The following CNTNAP2 variants were observed in gnomAD, a reference collection of about 807,000 sequenced individuals.
The protein encoded by CNTNAP2 is contactin associated protein 2, also known as contactin-associated protein-like 2.
Under a neutral mutation model 155.2 loss-of-function variants are expected in CNTNAP2, and 98 were observed. The observed-to-expected ratio is 0.63, with a 90% CI of 0.54 to 0.75. The LOEUF is 0.75. Ranked by LOEUF, CNTNAP2 falls within the 30% of genes least tolerant of loss-of-function variation. The pLI is 0.00. For missense variants in CNTNAP2, 1,727 were observed against 1,688.1 expected, an observed-to-expected ratio of 1.02 and a Z score of -0.40; for synonymous variants, 651 against 631.2, an observed-to-expected ratio of 1.03 and a Z score of -0.47.
intron 21 of CNTNAP2, among the ~76,000 whole-genome samples, chr7:148,307,922 G>A (rs1269444184): frequency 6.6e-6 from 1 of 152,102 alleles, no homozygotes; most frequent in Non-Finnish European, 1.5e-5. Flanking sequence ...GCAGTGAGCT[G>A]AGATCACACC....
intron 11 of CNTNAP2, among the ~76,000 whole-genome samples, chr7:147,540,516 G>T (rs1799620538): frequency 1.3e-5 from 2 of 152,128 alleles, no homozygotes; most frequent in Non-Finnish European, 2.9e-5. Flanking sequence ...GATACAAGAA[G>T]AGCAATTAGA....
chr7:146,738,277 T>A lies in CNTNAP2; in HGVS notation c.98-35994T>A, dbSNP rs574953522. 1.5e-4 allele frequency among the ~76,000 whole-genome samples: 23 copies of A among 152,170 alleles called. 1 individual carries two copies. In the South Asian group the frequency reaches 4.4e-3, roughly 29 times the overall value. ...CTGATAATAGTGATGTTCAACATTTTTTTTCATATACCTGTTGGCTATTTC... is the reference window on the plus strand; with the variant it reads ...CTGATAATAGTGATGTTCAACATTTATTTTCATATACCTGTTGGCTATTTC... On this transcript the variant is annotated intron_variant, in intron 1 of 23. Transcript: ENST00000361727.
chr7:146,392,796 G>T (rs1457452084), intron 1 of CNTNAP2, among the ~76,000 whole-genome samples: 6 of 149,278 alleles, frequency 4.0e-5, no homozygotes, highest in African/African-American at 5.0e-5. Flanking sequence ...TGAGATGTGG[G>T]AAAGACTAAT....
At chr7:147,152,869 C>T (rs1801853444) in intron 8 of CNTNAP2, among the ~76,000 whole-genome samples, 1 of 151,774 alleles carries the variant, frequency 6.6e-6, no homozygotes, top group South Asian at 2.1e-4. Context: ...AGAGAACAGC[C>T]CAGGATTACA....
intron 2 of CNTNAP2, among the ~76,000 whole-genome samples, chr7:146,790,773 G>A (rs1410920863): frequency 3.9e-5 from 6 of 151,944 alleles, no homozygotes; most frequent in Non-Finnish European, 5.9e-5. Context: ...GTTTCACCGT[G>A]TTAGCCAGGA....
chr7:146,958,937 G>A (rs1050808098), intron 3 of CNTNAP2, among the ~76,000 whole-genome samples: 3 of 151,760 alleles, frequency 2.0e-5, no homozygotes, highest in African/African-American at 7.3e-5. Context: ...TAAGATTGTC[G>A]TTTCTATCAT....
At position 147,331,812 on chromosome 7, in the gene CNTNAP2, C is replaced by T. The variant is rs527493066; in HGVS notation, c.1498+31522C>T. 5.9e-5 allele frequency among the ~76,000 whole-genome samples: 9 copies of T among 152,332 alleles called. No homozygotes were observed. In the East Asian group the frequency reaches 1.7e-3, roughly 29 times the overall value. ...TGTTCACTTCTTGCCCCTTGTTCAT[C>T]TCATTGCCCATGGAACTAACCAATG... On this transcript the variant is annotated intron_variant, in intron 9 of 23. Transcript: ENST00000361727.
chr7:147,398,036 C>A (rs889487599), intron 10 of CNTNAP2, among the ~76,000 whole-genome samples: 1 of 151,988 alleles, frequency 6.6e-6, no homozygotes, highest in East Asian at 1.9e-4. Flanking sequence ...CCTTTAGTCA[C>A]CTAAAATGTT....
At position 148,331,008 on chromosome 7, in the gene CNTNAP2, A is replaced by G. The variant is rs1270578436; in HGVS notation, c.3476-52641A>G. ...TGGAATGAACGCATGGAATGAATGG[A>G]TGGAATGGACAGATGGATGGAGTGG... On this transcript the variant is annotated intron_variant, in intron 21 of 23. Transcript: ENST00000361727. Among the ~76,000 whole-genome samples the G allele has an allele frequency of 1.4e-5, 2 of 147,426 alleles. 1 individual carries two copies. The highest frequency in any genetic ancestry group is 5.1e-5 in the African/African-American group (2 of 39,180).
chr7:147,351,175 A>G (rs17170437), intron 9 of CNTNAP2, among the ~76,000 whole-genome samples: 3,009 of 151,886 alleles, frequency 0.02, 102 homozygotes, highest in African/African-American at 0.069. Flanking sequence ...TTAGGTTTCA[A>G]AATGTTTCTA....
chr7:146,817,779 C>G (rs767042674), intron 2 of CNTNAP2, among the ~76,000 whole-genome samples: 6 of 152,098 alleles, frequency 3.9e-5, no homozygotes, highest in African/African-American at 1.4e-4. Context: ...TGAAAAACCA[C>G]CCCCATGATC....
chr7:146,304,322 C>T (rs1189608847), intron 1 of CNTNAP2, among the ~76,000 whole-genome samples: 2 of 152,052 alleles, frequency 1.3e-5, no homozygotes, highest in African/African-American at 4.8e-5. Context: ...GTGATGTTAG[C>T]TGGCTCTTTT....
At chr7:148,117,575 T>C (rs1338703592) in intron 15 of CNTNAP2, among the ~76,000 whole-genome samples, 2 of 152,176 alleles carry the variant, frequency 1.3e-5, no homozygotes, top group Admixed American at 6.5e-5. Flanking sequence ...AAAAACTTTG[T>C]TCTTACTTTG....
chr7:147,227,673 A>G (rs1448852281), intron 8 of CNTNAP2, among the ~76,000 whole-genome samples: 1 of 152,122 alleles, frequency 6.6e-6, no homozygotes, highest in Non-Finnish European at 1.5e-5. Context: ...ATAAATTGAG[A>G]TGGCAAAGGT....
chr7:146,716,802 T>A (rs1273265417), intron 1 of CNTNAP2, among the ~76,000 whole-genome samples: 1 of 152,190 alleles, frequency 6.6e-6, no homozygotes, highest in African/African-American at 2.4e-5. Context: ...GAAGAAATGT[T>A]CATTAGTGAG....
rs544763949 is a variant in CNTNAP2 at position 147,293,953 on chromosome 7, G to A, written c.1349-6188G>A. On this transcript the variant is annotated intron_variant, in intron 8 of 23. Coordinates refer to ENST00000361727, the MANE Select transcript of CNTNAP2 (RefSeq NM_014141.6). ...CTGTAATATGGTTTCAAAGATGTTC[G>A]TTTTAGGTTAAATTTTCTTTATATG... Among the ~76,000 whole-genome samples, 76 of 152,232 alleles carry A rather than the reference G, an allele frequency of 5.0e-4. 1 individual carries two copies. In the South Asian group the frequency reaches 0.015, roughly 30 times the overall value.
intron 13 of CNTNAP2, among the ~76,000 whole-genome samples, chr7:147,689,108 A>ATGT (rs112539407): frequency 1.3e-5 from 2 of 148,426 alleles, no homozygotes; most frequent in African/African-American, 5.0e-5. Flanking sequence ...GTATTACAGG[A>ATGT]TTTTTTTTTT....
chr7:148,287,916 G>T (rs10272539), intron 21 of CNTNAP2, among the ~76,000 whole-genome samples: 1 of 150,164 alleles, frequency 6.7e-6, no homozygotes, highest in Non-Finnish European at 1.5e-5. Context: ...TTCAGCCTCC[G>T]GAGTAGCTGG....
chr7:146,863,801 G>T (rs559816286), intron 3 of CNTNAP2, among the ~76,000 whole-genome samples: 1 of 152,108 alleles, frequency 6.6e-6, no homozygotes, highest in Non-Finnish European at 1.5e-5. Context: ...TCCTTGAAAT[G>T]GAATTATGGA....
Sources: gnomAD v4.1 joint callset for allele counts (sites outside exome capture counted in the v4.1 genomes callset) on GRCh38, gnomAD v4.1.1 for gene constraint, MANE v1.5 for transcripts, NCBI Gene and HGNC (gene_info 2026-07-23, HGNC 2026-07-21) for gene names.